Variants in TXLNG observed in about 807,000 individuals in gnomAD.
TXLNG encodes the protein taxilin gamma.
Under a neutral mutation model 38.8 loss-of-function variants are expected in TXLNG, and 5 were observed. The ratio of observed to expected loss-of-function variants is 0.13; its 90% CI spans 0.07 to 0.27. The LOEUF (loss-of-function observed/expected upper bound fraction) is 0.27, where lower values mean the gene tolerates loss of function less well. TXLNG is among the 10% of genes least tolerant of loss of function. The pLI, the probability that TXLNG is intolerant of heterozygous loss-of-function variation, is 1.00. For synonymous variants in TXLNG, 182 were observed against 158.2 expected, an observed-to-expected ratio of 1.15 and a Z score of -1.13; for missense variants, 393 against 398.2, an observed-to-expected ratio of 0.99 and a Z score of 0.11.
intron 6 of TXLNG, among the ~76,000 whole-genome samples, 169 bp from the exon 7 acceptor site, chrX:16,834,114 G>A (rs753662310): frequency 8.9e-6 from 1 of 112,286 alleles, no homozygotes; most frequent in Non-Finnish European, 1.9e-5. Flanking sequence ...GTTAACCAGT[G>A]GGACAGATAG....
chrX:16,821,867 G>A (rs183968540), intron 3 of TXLNG, among the ~76,000 whole-genome samples: 1,869 of 108,321 alleles, frequency 0.017, 39 homozygotes, highest in African/African-American at 0.058. Context: ...GGTGGCAGGC[G>A]CCTGTAGTCC....
intron 9 of TXLNG, 83 bp downstream of exon 9, chrX:16,839,999 G>A: frequency 2.7e-6 from 2 of 728,443 alleles, no homozygotes; most frequent in Middle Eastern, 3.1e-4. Context: ...CCGGGGACGT[G>A]TGCTGTAACA....
chrX:16,822,752 T>G (rs1367321593), intron 3 of TXLNG, among the ~76,000 whole-genome samples: 1 of 112,175 alleles, frequency 8.9e-6, no homozygotes, highest in Non-Finnish European at 1.9e-5. Flanking sequence ...ATGAATTGGT[T>G]AGAAGAGAGA....
intron 3 of TXLNG, 126 bp from the exon 4 acceptor site, chrX:16,827,967 TA>T: frequency 7.3e-6 from 4 of 545,844 alleles, no homozygotes; most frequent in Non-Finnish European, 1.1e-5. Context: ...TGAAACAATT[TA>T]AATAATATAT....
chrX:16,816,049 T>C (rs1928728313), intron 1 of TXLNG, among the ~76,000 whole-genome samples: 1 of 110,693 alleles, frequency 9.0e-6, no homozygotes. Flanking sequence ...AGTATGTTAT[T>C]TGGGTATATT....
chrX:16,841,855 TCTTA>T lies in TXLNG; in HGVS notation c.*93_*96del, dbSNP rs1929858660. On this transcript the variant is annotated 3_prime_UTR_variant, in exon 10 of 10. Coordinates refer to ENST00000380122, the MANE Select transcript of TXLNG (RefSeq NM_018360.3). ...ACTATTGGTTTTGTGGTGAAAATTT[TCTTA>T]CTTTTTCTACCATATCTGTATTTTC... The T allele has an allele frequency of 7.2e-6, 7 of 966,067 alleles. No individual in the cohort carries two copies. Among genetic ancestry groups the T allele is most frequent in the South Asian group, 4.7e-5 (2 of 42,276 alleles). The allele number at this position is 966,067 out of a possible 1,213,427, so 79.6% of individuals were successfully genotyped here. A position where few individuals can be genotyped will look rare whatever the true frequency, so the allele number is the denominator to read the frequency against.
At chrX:16,836,867 T>G (rs937798005) in intron 7 of TXLNG, among the ~76,000 whole-genome samples, 4 of 111,746 alleles carry the variant, frequency 3.6e-5, no homozygotes, top group African/African-American at 1.3e-4. Context: ...GGTTCCCTCC[T>G]GGTCTAAGAT....
chrX:16,840,323 C>A, intron 9 of TXLNG: 1 of 368,324 alleles, frequency 2.7e-6, no homozygotes, highest in Non-Finnish European at 3.5e-6. Context: ...GGCAGATAAT[C>A]CGCCTCTCTA....
chrX:16,828,019 C>G, intron 3 of TXLNG, 75 bp from the exon 4 acceptor site: 1 of 967,784 alleles, frequency 1.0e-6, no homozygotes, highest in Non-Finnish European at 1.4e-6. Flanking sequence ...TGTTCCATAG[C>G]TCTCATTATA....
chrX:16,790,030 T>C (rs1309195539), intron 1 of TXLNG, among the ~76,000 whole-genome samples: 1 of 110,680 alleles, frequency 9.0e-6, no homozygotes, highest in East Asian at 2.8e-4. Flanking sequence ...ACTCCTGACC[T>C]CAGGTGATCT....
intron 1 of TXLNG, among the ~76,000 whole-genome samples, chrX:16,799,500 T>C (rs1428570251): frequency 2.7e-5 from 3 of 111,670 alleles, no homozygotes; most frequent in African/African-American, 6.5e-5. Context: ...AGGCCGGGCA[T>C]GGTGGCTCAT....
At chrX:16,786,725 T>C in intron 1 of TXLNG, 136 bp downstream of exon 1, 2 of 53,637 alleles carry the variant, frequency 3.7e-5, no homozygotes, top group East Asian at 7.6e-4. Context: ...CTCCCGGGGG[T>C]GACGACAGTG....
At chrX:16,836,154 A>C (rs1486368860) in intron 7 of TXLNG, among the ~76,000 whole-genome samples, 1 of 111,903 alleles carries the variant, frequency 8.9e-6, no homozygotes, top group Admixed American at 9.4e-5. Flanking sequence ...TCTATTCAGG[A>C]GGCTGAGATG....
At chrX:16,788,967 C>G (rs1927606181) in intron 1 of TXLNG, among the ~76,000 whole-genome samples, 1 of 111,778 alleles carries the variant, frequency 8.9e-6, no homozygotes, top group African/African-American at 3.2e-5. Context: ...TGCAACTGGC[C>G]AAAAATTTTT....
rs977199587 is a variant in TXLNG, at chrX:16,843,000, GTTCT to G, written c.*1237_*1240del. The G allele has an allele frequency of 5.3e-5, 6 of 112,458 alleles. No individual in the cohort carries two copies. The highest frequency in any genetic ancestry group is 1.6e-4 in the African/African-American group (5 of 30,949). 9.3% of individuals were successfully genotyped at this position (112,458 alleles called of 1,213,427 possible). A position where few individuals can be genotyped will look rare whatever the true frequency, so the allele number is the denominator to read the frequency against. On this transcript the variant is annotated 3_prime_UTR_variant, in exon 10 of 10. Transcript: ENST00000380122. ...AATTAAGCACATAACTTTTGAATTA[GTTCT>G]TTGTTTCAATGTTGAATGTGGCGCA... is the stretch of plus-strand genomic sequence containing the variant.
intron 1 of TXLNG, among the ~76,000 whole-genome samples, chrX:16,788,004 TC>T (rs1344694505): frequency 1.8e-5 from 2 of 111,730 alleles, no homozygotes; most frequent in Non-Finnish European, 3.8e-5. Flanking sequence ...TTTCTTTCTC[TC>T]CCTCTCTTTG....
chrX:16,829,950 A>C (rs899864028), intron 5 of TXLNG, among the ~76,000 whole-genome samples, 180 bp downstream of exon 5: 7 of 110,225 alleles, frequency 6.4e-5, no homozygotes, highest in Admixed American at 3.8e-4. Flanking sequence ...ATGTCCCAGG[A>C]GTCACTGGGT....
chrX:16,789,951 C>T (rs895073341), intron 1 of TXLNG, among the ~76,000 whole-genome samples: 4 of 109,916 alleles, frequency 3.6e-5, no homozygotes, highest in Non-Finnish European at 5.7e-5. Flanking sequence ...TGTGCCACCA[C>T]GCCCGGCTAA....
chrX:16,803,587 C>G (rs1204253645), intron 1 of TXLNG, among the ~76,000 whole-genome samples: 1 of 104,067 alleles, frequency 9.6e-6, no homozygotes, highest in African/African-American at 3.5e-5. Flanking sequence ...TCGTGATCCA[C>G]CCGCCTCGGC....
Sources: allele counts gnomAD v4.1 joint callset (sites outside exome capture counted in the v4.1 genomes callset), GRCh38; gene constraint gnomAD v4.1.1; transcripts MANE v1.5; gene names NCBI Gene and HGNC (gene_info 2026-07-23, HGNC 2026-07-21).